CCDC102B: variants seen among roughly 807,000 people sequenced by gnomAD.
CCDC102B encodes the protein coiled-coil domain-containing protein 102B.
In CCDC102B, 75 loss-of-function variants were observed where a neutral mutation model predicts 57.4. The ratio of observed to expected loss-of-function variants is 1.31; its 90% CI spans 1.08 to 1.58. CCDC102B has a LOEUF of 1.58. CCDC102B is among the 40% of genes most tolerant of loss of function. The probability of loss-of-function intolerance (pLI) is 0.00; values close to 1 mark genes in which losing one functional copy is unlikely to be tolerated. For missense variants in CCDC102B, 636 were observed against 582.6 expected (o/e 1.09, Z -0.94); for synonymous variants, 206 against 201.9 (o/e 1.02, Z -0.17).
chr18:68,764,321 T>G (rs1399459451), intron 2 of CCDC102B, among the ~76,000 whole-genome samples: 1 of 152,216 alleles, frequency 6.6e-6, no homozygotes, highest in Non-Finnish European at 1.5e-5. Context: ...CACAGTTCTT[T>G]GAATGTATTA....
chr18:68,719,591 G>C (rs149824336), intron 2 of CCDC102B, among the ~76,000 whole-genome samples: 1 of 152,056 alleles, frequency 6.6e-6, no homozygotes, highest in African/African-American at 2.4e-5. Flanking sequence ...ATTGGATGAT[G>C]CCCCCACCTC....
intron 6 of CCDC102B, among the ~76,000 whole-genome samples, chr18:68,910,007 G>GA (rs1158568670): frequency 6.6e-6 from 1 of 152,174 alleles, no homozygotes; most frequent in East Asian, 1.9e-4. Context: ...AAAAGAGATA[G>GA]AGAATTAGAC....
intron 6 of CCDC102B, among the ~76,000 whole-genome samples, chr18:68,939,770 G>T (rs573208579): frequency 1.3e-5 from 2 of 151,724 alleles, no homozygotes; most frequent in South Asian, 2.1e-4. Flanking sequence ...CTTTTCAACA[G>T]ATAAAAACTT....
chr18:68,806,648 GCT>G (rs2036043369), intron 1 of CCDC102B, among the ~76,000 whole-genome samples: 1 of 152,080 alleles, frequency 6.6e-6, no homozygotes, highest in Non-Finnish European at 1.5e-5. Flanking sequence ...TCTATTGGAT[GCT>G]CTACAGCTAT....
chr18:68,986,359 G>C (rs2050723180), intron 6 of CCDC102B, among the ~76,000 whole-genome samples: 1 of 152,052 alleles, frequency 6.6e-6, no homozygotes, highest in Admixed American at 6.6e-5. Flanking sequence ...CAATAAATGT[G>C]ATTTACCACA....
upstream of CCDC102B, among the ~76,000 whole-genome samples, chr18:68,797,807 G>A (rs28409218): frequency 0.013 from 1,774 of 139,236 alleles, 45 homozygotes; most frequent in African/African-American, 0.044. Context: ...ATTATTACAA[G>A]TTATACTGTT....
At chr18:69,035,702 G>C (rs1284015089) in intron 7 of CCDC102B, among the ~76,000 whole-genome samples, 1 of 151,942 alleles carries the variant, frequency 6.6e-6, no homozygotes, top group African/African-American at 2.4e-5. Flanking sequence ...AGAGTTCATT[G>C]TCATACAGTC....
chr18:68,855,325 C>A (rs913320889), intron 4 of CCDC102B, among the ~76,000 whole-genome samples: 14 of 152,154 alleles, frequency 9.2e-5, no homozygotes, highest in African/African-American at 3.4e-4. Flanking sequence ...GAGATGAAAG[C>A]TCTTGTTATG....
chr18:68,893,756 A>G (rs1020525932), intron 5 of CCDC102B, among the ~76,000 whole-genome samples: 12 of 152,164 alleles, frequency 7.9e-5, no homozygotes, highest in Admixed American at 6.6e-4. Context: ...AGCTATGTTT[A>G]GAAAATGATC....
At chr18:68,715,934 C>T (rs1021533276) in intron 1 of CCDC102B, among the ~76,000 whole-genome samples, 5 of 152,104 alleles carry the variant, frequency 3.3e-5, no homozygotes, top group South Asian at 2.1e-4. Flanking sequence ...GCCGGTTCAC[C>T]TTAGGTTCAA....
At chr18:68,999,701 C>T (rs2051148794) in intron 6 of CCDC102B, among the ~76,000 whole-genome samples, 1 of 152,142 alleles carries the variant, frequency 6.6e-6, no homozygotes, top group Non-Finnish European at 1.5e-5. Context: ...CTTCCCAAGT[C>T]ACTCATGTCT....
chr18:69,003,250 A>G (rs1002920350), intron 6 of CCDC102B, among the ~76,000 whole-genome samples: 2 of 152,202 alleles, frequency 1.3e-5, no homozygotes, highest in African/African-American at 4.8e-5. Context: ...ATAAAAAGAA[A>G]AATTATCTTG....
chr18:68,932,543 C>T (rs906541717), intron 6 of CCDC102B, among the ~76,000 whole-genome samples: 7 of 151,736 alleles, frequency 4.6e-5, no homozygotes, highest in Non-Finnish European at 8.8e-5. Context: ...TTAGTATGTT[C>T]CTTAGATTAA....
In CCDC102B at chr18:69,038,736, A is replaced by G. The variant is rs142202010; in HGVS notation, c.1435-15294A>G. The stretch of plus-strand genomic sequence containing the variant: ...ATTTACAAACTGATTTACATATTCT[A>G]TATATTTATTAATATACACAAGCAT... On this transcript the variant is annotated intron_variant, in intron 7 of 7. Coordinates refer to ENST00000360242, the MANE Select transcript of CCDC102B (RefSeq NM_024781.3). Among the ~76,000 whole-genome samples, 569 of 152,022 alleles carry G rather than the reference A, an allele frequency of 3.7e-3. 4 individuals are homozygous for G. The highest frequency in any genetic ancestry group is 0.013 in the African/African-American group (548 of 41,506).
chr18:68,912,771 A>G (rs1475144559), intron 6 of CCDC102B, among the ~76,000 whole-genome samples: 1 of 152,128 alleles, frequency 6.6e-6, no homozygotes, highest in Non-Finnish European at 1.5e-5. Context: ...GCCAAGTAAT[A>G]CTCTTTGTAA....
At position 68,928,816 on chromosome 18, in the gene CCDC102B, A is replaced by G. The variant is rs567960295; in HGVS notation, c.1263+31388A>G. On this transcript the variant is annotated intron_variant, in intron 6 of 7. Transcript: ENST00000360242. Reference sequence around the variant, plus strand: ...GAGGAAAACTGCTGCTTTTCTTGGCAGCTGGATTTTAAAGAGGGGGGACAA... The same window carrying G: ...GAGGAAAACTGCTGCTTTTCTTGGCGGCTGGATTTTAAAGAGGGGGGACAA... 2.8e-4 allele frequency among the ~76,000 whole-genome samples: 42 copies of G among 151,966 alleles called. 1 individual carries two copies. The highest frequency in any genetic ancestry group is 2.2e-3 in the Admixed American group (34 of 15,232).
At chr18:68,922,392 T>C (rs572857444) in intron 6 of CCDC102B, among the ~76,000 whole-genome samples, 2 of 152,332 alleles carry the variant, frequency 1.3e-5, no homozygotes, top group South Asian at 4.1e-4. Context: ...ATCAGTATTA[T>C]GTTGATTTGT....
intron 6 of CCDC102B, among the ~76,000 whole-genome samples, chr18:68,950,954 T>G (rs1394111894): frequency 6.6e-6 from 1 of 152,134 alleles, no homozygotes; most frequent in Non-Finnish European, 1.5e-5. Flanking sequence ...TTAGAAAACA[T>G]CATCATAAAG....
chr18:68,860,015 C>T (rs1342037824), intron 4 of CCDC102B, among the ~76,000 whole-genome samples: 6 of 78,022 alleles, frequency 7.7e-5, no homozygotes, highest in South Asian at 8.3e-4. Context: ...ATGTTTATTG[C>T]GGCATTATTC....
Sources: allele counts gnomAD v4.1 joint callset (sites outside exome capture counted in the v4.1 genomes callset), GRCh38; gene constraint gnomAD v4.1.1; transcripts MANE v1.5; gene names NCBI Gene and HGNC (gene_info 2026-07-23, HGNC 2026-07-21).